Variants in HSD17B3 observed in about 807,000 individuals in gnomAD.
The protein encoded by HSD17B3 is 17-beta-hydroxysteroid dehydrogenase type 3.
In HSD17B3, 29 loss-of-function variants were observed where a neutral mutation model predicts 41.1. That is an observed-to-expected ratio of 0.71 (90% confidence interval 0.53 to 0.96). The LOEUF is 0.96. Among genes scored for constraint, HSD17B3 ranks in the 40% least tolerant of loss-of-function variants. HSD17B3 has a pLI of 0.00. For missense variants in HSD17B3, 323 were observed against 374.6 expected (o/e 0.86, Z 1.14); for synonymous variants, 126 against 145.6 (o/e 0.87, Z 0.97).
intron 2 of HSD17B3, among the ~76,000 whole-genome samples, chr9:96,297,403 A>G (rs968588092): frequency 1.5e-5 from 2 of 132,920 alleles, no homozygotes; most frequent in African/African-American, 5.8e-5. Context: ...CTGGCGTGCA[A>G]TGGTGCGATC....
chr9:96,256,353 G>A (rs1175358372), intron 2 of HSD17B3: 1 of 152,082 alleles, frequency 6.6e-6, no homozygotes, highest in Non-Finnish European at 1.5e-5. Flanking sequence ...CGTATTATAG[G>A]CTGGGCACGG....
At position 96,249,991 on chromosome 9, in the gene HSD17B3, T is replaced by C; in HGVS notation, c.454-205A>G. 4 of 1,464,284 alleles carry C rather than the reference T, an allele frequency of 2.7e-6. No homozygotes were observed. The South Asian group carries it at 5.7e-5, about 21-fold the overall frequency. The allele number at this position is 1,464,284 out of a possible 1,614,324, so 90.7% of individuals were successfully genotyped here. ...ATCTGACTCCCATTCTGTCATTCTG[T>C]ACCCACGTCATCTTGACTAGACATC... On this transcript the variant is annotated intron_variant, in intron 5 of 10. Transcript: ENST00000375263.
intron 2 of HSD17B3, among the ~76,000 whole-genome samples, chr9:96,291,743 G>A (rs1444262711): frequency 6.6e-6 from 1 of 152,148 alleles, no homozygotes; most frequent in African/African-American, 2.4e-5. Context: ...GATCACTTGA[G>A]GTCAGGAGTT....
At chr9:96,266,069 A>G (rs1826034359) in intron 2 of HSD17B3, among the ~76,000 whole-genome samples, 1 of 152,238 alleles carries the variant, frequency 6.6e-6, no homozygotes, top group Non-Finnish European at 1.5e-5. Context: ...AGCACACAAT[A>G]TGAGGAATTT....
intron 2 of HSD17B3, among the ~76,000 whole-genome samples, chr9:96,271,802 T>C (rs1826254276): frequency 6.6e-6 from 1 of 152,180 alleles, no homozygotes; most frequent in African/African-American, 2.4e-5. Context: ...AACATGTAAC[T>C]GTAGAATTTT....
At position 96,240,849 on chromosome 9, in the gene HSD17B3, A is replaced by T; in HGVS notation, c.731T>A (p.Ile244Lys). 6.2e-7 allele frequency: 1 copy of T among 1,614,110 alleles called. No individual in the cohort carries two copies. Among genetic ancestry groups the T allele is most frequent in the South Asian group, 1.1e-5 (1 of 91,082 alleles). ...AMTKYLNTNV[I>K]TKTADEFVKE... is the part of the protein sequence containing the mutation. ...GACAAACTCATCAGCAGTCTTGGTT[A>T]TCACATTTGTATTTAGATACTTTGT... Residue 244 changes from isoleucine to lysine, a missense_variant, in exon 10 of 11, where the codon ATA (isoleucine) becomes AAA (lysine). Transcript: ENST00000375263.
At chr9:96,238,655 A>C (rs1836317727) in intron 10 of HSD17B3, among the ~76,000 whole-genome samples, 1 of 152,162 alleles carries the variant, frequency 6.6e-6, no homozygotes, top group Non-Finnish European at 1.5e-5. Flanking sequence ...GCGAGACTCC[A>C]TCTCAAAAAA....
chr9:96,261,576 C>A (rs1825859196), intron 2 of HSD17B3, among the ~76,000 whole-genome samples: 1 of 152,190 alleles, frequency 6.6e-6, no homozygotes, highest in African/African-American at 2.4e-5. Context: ...CCTGAGGAGG[C>A]TGATGCAGGG....
chr9:96,300,202 C>T (rs913985524), intron 1 of HSD17B3, among the ~76,000 whole-genome samples: 1 of 101,682 alleles, frequency 9.8e-6, no homozygotes. Context: ...GCATAATACC[C>T]CAAGAGGACA....
chr9:96,259,801 CAATTT>C (rs1194509388), intron 2 of HSD17B3, among the ~76,000 whole-genome samples: 1 of 151,772 alleles, frequency 6.6e-6, no homozygotes, highest in East Asian at 1.9e-4. Context: ...TCTATATATT[CAATTT>C]GTTATTAATT....
chr9:96,288,026 G>A (rs1175875076), intron 2 of HSD17B3, among the ~76,000 whole-genome samples: 1 of 152,184 alleles, frequency 6.6e-6, no homozygotes, highest in African/African-American at 2.4e-5. Context: ...AAAACAATAT[G>A]CTAAGTGGAA....
Position 96,251,546 on chromosome 9 carries a change from A to G in HSD17B3, c.386-61T>C. 3 of 1,429,206 alleles carry G rather than the reference A, an allele frequency of 2.1e-6. No homozygotes were observed. In the South Asian group the frequency reaches 3.5e-5, roughly 17 times the overall value. The allele number at this position is 1,429,206 out of a possible 1,614,324, so 88.5% of individuals were successfully genotyped here. A position where few individuals can be genotyped will look rare whatever the true frequency, so the allele number is the denominator to read the frequency against. On this transcript the variant is annotated intron_variant, in intron 4 of 10. Coordinates refer to ENST00000375263, the MANE Select transcript of HSD17B3 (RefSeq NM_000197.2). ...GATCAGGTGGGAGATTTTCCCAAAG[A>G]ACCATGTACAAAAAGATTGACATGT...
intron 2 of HSD17B3, among the ~76,000 whole-genome samples, chr9:96,296,126 G>A (rs1020391317): frequency 3.3e-5 from 5 of 152,128 alleles, no homozygotes; most frequent in East Asian, 1.9e-4. Flanking sequence ...GCACACGCCC[G>A]TAGTCCCTGA....
chr9:96,255,367 CTTTTTTTTTTTTTTT>C lies in HSD17B3; in HGVS notation c.202-439_202-425del, dbSNP rs869145717. 1.8e-3 allele frequency among the ~76,000 whole-genome samples: 98 copies of C among 54,550 alleles called. 1 individual carries two copies. The highest frequency in any genetic ancestry group is 5.6e-3 in the South Asian group (6 of 1,072). 35.8% of individuals were successfully genotyped at this position (54,550 alleles called of 152,430 possible). ...AAGCAGTGTTTCTGCCCCAACATTT[CTTTTTTTTTTTTTTT>C]TTTTTTTTTTTTTTTTTTTTTTTTT... On this transcript the variant is annotated intron_variant, in intron 2 of 10. Transcript: ENST00000375263.
chr9:96,265,394 C>T (rs1826014544), intron 2 of HSD17B3, among the ~76,000 whole-genome samples: 1 of 152,316 alleles, frequency 6.6e-6, no homozygotes, highest in African/African-American at 2.4e-5. Flanking sequence ...CAACTGCTAA[C>T]ATATGTCTTT....
At chr9:96,250,852 C>T (rs1836870331) in intron 5 of HSD17B3, among the ~76,000 whole-genome samples, 2 of 149,924 alleles carry the variant, frequency 1.3e-5, no homozygotes, top group African/African-American at 4.9e-5. Flanking sequence ...CATGTTACCG[C>T]ACACCAGCCT....
chr9:96,277,816 G>GAAGA (rs1826525299), intron 2 of HSD17B3, among the ~76,000 whole-genome samples: 1 of 20,854 alleles, frequency 4.8e-5, no homozygotes, highest in Non-Finnish European at 9.4e-5. Flanking sequence ...TCCATTAACA[G>GAAGA]ATGAATAAGG....
chr9:96,239,439 GA>G (rs1042184754), intron 10 of HSD17B3: 4 of 152,326 alleles, frequency 2.6e-5, no homozygotes, highest in African/African-American at 9.6e-5. Flanking sequence ...ATCAGCAACA[GA>G]AAAAATAAAG....
chr9:96,251,347 GACTCA>G (rs1195382921), intron 5 of HSD17B3, 66 bp downstream of exon 5: 8 of 1,328,722 alleles, frequency 6.0e-6, no homozygotes, highest in Non-Finnish European at 8.7e-6. Context: ...TCCCAGGCCT[GACTCA>G]TTACCCAGCC....
Sources: gnomAD v4.1 joint callset for allele counts (sites outside exome capture counted in the v4.1 genomes callset) on GRCh38, gnomAD v4.1.1 for gene constraint, MANE v1.5 for transcripts, NCBI Gene and HGNC (gene_info 2026-07-23, HGNC 2026-07-21) for gene names.